The following SEMA3A variants were observed in gnomAD, a reference collection of about 807,000 sequenced individuals.
SEMA3A encodes semaphorin 3A.
In SEMA3A, 29 loss-of-function variants were observed where a neutral mutation model predicts 97.9. The ratio of observed to expected loss-of-function variants is 0.30; its 90% CI spans 0.22 to 0.40. The LOEUF (loss-of-function observed/expected upper bound fraction) is 0.40. Among genes scored for constraint, SEMA3A ranks in the 10% least tolerant of loss-of-function variants. The pLI is 1.00. For synonymous variants in SEMA3A, 321 were observed against 323.7 expected (o/e 0.99, Z 0.09); for missense variants, 763 against 951.3 (o/e 0.80, Z 2.60).
At chr7:84,253,277 C>T (rs1799648770) in intron 3 of SEMA3A, among the ~76,000 whole-genome samples, 1 of 151,924 alleles carries the variant, frequency 6.6e-6, no homozygotes, top group South Asian at 2.1e-4. Flanking sequence ...ATTTCCTGGG[C>T]ATCTACCTTG....
intron 15 of SEMA3A, among the ~76,000 whole-genome samples, chr7:83,963,800 GTGTT>G (rs1788572302): frequency 6.6e-6 from 1 of 152,110 alleles, no homozygotes; most frequent in Non-Finnish European, 1.5e-5. Context: ...TTTTGCCTGT[GTGTT>G]TATTTTTTAT....
At chr7:84,284,534 A>C (rs1800532408) in intron 3 of SEMA3A, among the ~76,000 whole-genome samples, 1 of 152,156 alleles carries the variant, frequency 6.6e-6, no homozygotes, top group Non-Finnish European at 1.5e-5. Context: ...GGAGATGGCC[A>C]AATGTAGAAT....
intron 14 of SEMA3A, among the ~76,000 whole-genome samples, chr7:83,979,300 A>G (rs1452624498): frequency 6.6e-6 from 1 of 152,134 alleles, no homozygotes; most frequent in African/African-American, 2.4e-5. Context: ...CACATGGCTA[A>G]TTGTTGTATT....
chr7:84,360,966 TAAA>T (rs1802704027), intron 2 of SEMA3A, among the ~76,000 whole-genome samples: 1 of 152,064 alleles, frequency 6.6e-6, no homozygotes, highest in Non-Finnish European at 1.5e-5. Context: ...ACTTAAAATT[TAAA>T]ATATACAGGT....
At chr7:84,067,334 G>A (rs1793552565) in intron 4 of SEMA3A, among the ~76,000 whole-genome samples, 1 of 152,100 alleles carries the variant, frequency 6.6e-6, no homozygotes, top group Non-Finnish European at 1.5e-5. Flanking sequence ...AGAAAACCTA[G>A]GCATTACCAT....
At chr7:84,251,206 T>A (rs764805878) in intron 3 of SEMA3A, among the ~76,000 whole-genome samples, 2 of 152,268 alleles carry the variant, frequency 1.3e-5, no homozygotes, top group Non-Finnish European at 2.9e-5. Context: ...ACTTTAATGA[T>A]ATCAACATTC....
At position 84,059,453 on chromosome 7, in the gene SEMA3A, TAG is replaced by T. The variant is rs1318584157; in HGVS notation, c.547+1010_547+1011del. Among the ~76,000 whole-genome samples the T allele has an allele frequency of 2.6e-5, 4 of 152,220 alleles. No individual in the cohort carries two copies. In the East Asian group the frequency reaches 7.7e-4, roughly 29 times the overall value. ...TGGTTAATATGGCAGTCAATATGAC[TAG>T]AGTTTATTTTTCTGAGTAGGAAAAA... On this transcript the variant is annotated intron_variant, in intron 5 of 16. Coordinates refer to ENST00000265362, the MANE Select transcript of SEMA3A (RefSeq NM_006080.3).
chr7:84,345,305 G>A (rs928082343), intron 2 of SEMA3A, among the ~76,000 whole-genome samples: 3 of 152,166 alleles, frequency 2.0e-5, no homozygotes, highest in Non-Finnish European at 2.9e-5. Flanking sequence ...GTTGGTAGGA[G>A]GTCTTGCCTC....
chr7:84,333,581 A>G (rs1584246290), intron 2 of SEMA3A, among the ~76,000 whole-genome samples: 1 of 152,184 alleles, frequency 6.6e-6, no homozygotes, highest in Admixed American at 6.5e-5. Context: ...GATATACTCT[A>G]CTTTCCAAAG....
At chr7:84,415,191 C>T (rs1470436147) in intron 1 of SEMA3A, among the ~76,000 whole-genome samples, 1 of 152,012 alleles carries the variant, frequency 6.6e-6, no homozygotes, top group Non-Finnish European at 1.5e-5. Flanking sequence ...TCTGTATAAA[C>T]AGAAATCTAC....
chr7:84,295,360 C>A (rs1800843408), intron 3 of SEMA3A, among the ~76,000 whole-genome samples: 1 of 151,822 alleles, frequency 6.6e-6, no homozygotes. Flanking sequence ...GTAAAGATTT[C>A]CGTCATTCAC....
chr7:84,287,037 A>AGGTTC lies in SEMA3A; in HGVS notation c.-83+20169_-83+20170insGAACC, dbSNP rs375704786. 2.9e-3 allele frequency among the ~76,000 whole-genome samples: 434 copies of AGGTTC among 152,260 alleles called. 4 individuals are homozygous for AGGTTC. The highest frequency in any genetic ancestry group is 0.01 in the African/African-American group (421 of 41,572). On this transcript the variant is annotated intron_variant, in intron 3 of 3. Coordinates refer to the SEMA3A transcript ENST00000424555. Reference sequence around the variant, plus strand: ...AATTACTTTATGTGTTTGACTCACTATGCTTCATATCATAGTCAGGCTATT... The same window carrying AGGTTC: ...AATTACTTTATGTGTTTGACTCACTAGGTTCTGCTTCATATCATAGTCAGGCTATT...
At chr7:84,150,353 C>G (rs575215248) in intron 1 of SEMA3A, among the ~76,000 whole-genome samples, 14 of 152,258 alleles carry the variant, frequency 9.2e-5, no homozygotes, top group African/African-American at 2.9e-4. Flanking sequence ...TGGGGAGTGC[C>G]AGACAGTGGG....
chr7:84,066,568 CAA>C (rs1241291325), intron 4 of SEMA3A, among the ~76,000 whole-genome samples: 2 of 150,090 alleles, frequency 1.3e-5, no homozygotes, highest in African/African-American at 5.0e-5. Context: ...GCAACTTCAG[CAA>C]AGTCTCAGGA....
intron 3 of SEMA3A, among the ~76,000 whole-genome samples, chr7:84,266,553 A>T (rs117725767): frequency 0.016 from 2,398 of 152,172 alleles, 36 homozygotes; most frequent in Non-Finnish European, 0.026. Flanking sequence ...CTCATGAGTC[A>T]TCCAGAGAGA....
chr7:83,957,672 T>G lies in SEMA3A; in HGVS notation c.*3699A>C, dbSNP rs1044084476. ...ATTATGTTCATTTAATTAACTAGTT[T>G]AAGAAAATTTTTAGAGATCAAACAA... On this transcript the variant is annotated 3_prime_UTR_variant, in exon 17 of 17. Coordinates refer to ENST00000265362, the MANE Select transcript of SEMA3A (RefSeq NM_006080.3). 4 of 152,118 alleles carry G rather than the reference T, an allele frequency of 2.6e-5. No individual in the cohort carries two copies. The highest frequency in any genetic ancestry group is 9.7e-5 in the African/African-American group (4 of 41,448). 9.4% of individuals were successfully genotyped at this position (152,118 alleles called of 1,614,324 possible). A position where few individuals can be genotyped will look rare whatever the true frequency, so the allele number is the denominator to read the frequency against.
intron 3 of SEMA3A, among the ~76,000 whole-genome samples, chr7:84,211,336 T>C (rs1431464189): frequency 6.6e-6 from 1 of 151,908 alleles, no homozygotes; most frequent in Non-Finnish European, 1.5e-5. Context: ...CTCAGCCGGG[T>C]GTGGTGACTT....
intron 3 of SEMA3A, among the ~76,000 whole-genome samples, chr7:84,216,579 A>G (rs936778095): frequency 6.6e-6 from 1 of 152,190 alleles, no homozygotes; most frequent in Non-Finnish European, 1.5e-5. Flanking sequence ...AGTGACCTCA[A>G]GTTATGCCAC....
intron 12 of SEMA3A, among the ~76,000 whole-genome samples, chr7:83,999,429 ATAATT>A (rs897509880): frequency 7.0e-6 from 1 of 142,648 alleles, no homozygotes; most frequent in African/African-American, 2.6e-5. Context: ...ATATCAGAAA[ATAATT>A]AAATAATAAA....
Sources: allele counts gnomAD v4.1 joint callset (sites outside exome capture counted in the v4.1 genomes callset), GRCh38; gene constraint gnomAD v4.1.1; transcripts MANE v1.5; gene names NCBI Gene and HGNC (gene_info 2026-07-23, HGNC 2026-07-21).